The following FBXL7 variants were observed in gnomAD, a reference collection of about 807,000 sequenced individuals.
The protein encoded by FBXL7 is F-box/LRR-repeat protein 7.
A neutral mutation model predicts 38.3 loss-of-function variants in FBXL7; 12 were observed. The ratio of observed to expected loss-of-function variants is 0.31; its 90% CI spans 0.20 to 0.51. The LOEUF is 0.51. Ranked by LOEUF, FBXL7 falls within the 20% of genes least tolerant of loss-of-function variation. The pLI is 0.98. For synonymous variants in FBXL7, 297 were observed against 300.9 expected, an observed-to-expected ratio of 0.99 and a Z score of 0.13; for missense variants, 567 against 676.4, an observed-to-expected ratio of 0.84 and a Z score of 1.79.
intron 2 of FBXL7, among the ~76,000 whole-genome samples, chr5:15,746,573 T>G (rs554608475): frequency 2.4e-4 from 36 of 149,410 alleles, no homozygotes; most frequent in African/African-American, 7.9e-4. Context: ...GTCGCTAATC[T>G]CATTCATGAA....
intron 2 of FBXL7, among the ~76,000 whole-genome samples, chr5:15,671,379 T>C (rs1742467439): frequency 6.6e-6 from 1 of 152,154 alleles, no homozygotes. Flanking sequence ...ACATTTTTGC[T>C]CATTCAATAA....
At chr5:15,917,721 G>A (rs965864503) in intron 2 of FBXL7, among the ~76,000 whole-genome samples, 12 of 150,448 alleles carry the variant, frequency 8.0e-5, no homozygotes, top group African/African-American at 1.5e-4. Context: ...AAGGAAGGAC[G>A]ATGCTAGCGA....
At chr5:15,882,231 C>T (rs1579564577) in intron 2 of FBXL7, among the ~76,000 whole-genome samples, 1 of 152,306 alleles carries the variant, frequency 6.6e-6, no homozygotes, top group African/African-American at 2.4e-5. Flanking sequence ...CAGATTTAAA[C>T]TCTTATCACT....
chr5:15,683,777 A>G (rs1481132455), intron 2 of FBXL7, among the ~76,000 whole-genome samples: 3 of 152,156 alleles, frequency 2.0e-5, no homozygotes, highest in African/African-American at 2.4e-5. Context: ...TCAGCACATA[A>G]TATTACTGAA....
chr5:15,783,057 T>C (rs899792245), intron 2 of FBXL7, among the ~76,000 whole-genome samples: 7 of 152,154 alleles, frequency 4.6e-5, no homozygotes, highest in Non-Finnish European at 8.8e-5. Context: ...GTTGGAGCTA[T>C]GAAATTTGGG....
At chr5:15,735,689 A>G (rs1401004517) in intron 2 of FBXL7, among the ~76,000 whole-genome samples, 3 of 152,248 alleles carry the variant, frequency 2.0e-5, no homozygotes, top group African/African-American at 7.2e-5. Context: ...AGACACATTC[A>G]AGGATAATGA....
At chr5:15,676,450 T>C (rs1463960745) in intron 2 of FBXL7, among the ~76,000 whole-genome samples, 1 of 152,228 alleles carries the variant, frequency 6.6e-6, no homozygotes, top group Admixed American at 6.5e-5. Flanking sequence ...AAAATATGGT[T>C]ATGCCTTTCA....
chr5:15,737,252 C>A (rs776225965), intron 2 of FBXL7, among the ~76,000 whole-genome samples: 1 of 152,118 alleles, frequency 6.6e-6, no homozygotes, highest in Non-Finnish European at 1.5e-5. Context: ...TAATGGTTTC[C>A]ATGTGTGCCT....
At chr5:15,689,338 T>C (rs996116021) in intron 2 of FBXL7, among the ~76,000 whole-genome samples, 2 of 151,876 alleles carry the variant, frequency 1.3e-5, no homozygotes, top group African/African-American at 4.8e-5. Flanking sequence ...AAATGATGTG[T>C]GATTTCTACC....
chr5:15,801,948 G>A (rs1737581403), intron 2 of FBXL7, among the ~76,000 whole-genome samples: 1 of 151,920 alleles, frequency 6.6e-6, no homozygotes, highest in Non-Finnish European at 1.5e-5. Context: ...GAGATGTTAG[G>A]GACTTCAAGT....
At chr5:15,917,720 C>T (rs970202970) in intron 2 of FBXL7, among the ~76,000 whole-genome samples, 2 of 144,972 alleles carry the variant, frequency 1.4e-5, no homozygotes, top group Non-Finnish European at 3.0e-5. Flanking sequence ...GAAGGAAGGA[C>T]GATGCTAGCG....
intron 1 of FBXL7, among the ~76,000 whole-genome samples, chr5:15,554,703 C>T (rs773778871): frequency 2.7e-4 from 41 of 152,144 alleles, no homozygotes; most frequent in Non-Finnish European, 5.0e-4. Context: ...CCAGCTGATC[C>T]ATCTGCATAT....
intron 2 of FBXL7, among the ~76,000 whole-genome samples, chr5:15,757,817 C>T (rs183649483): frequency 6.8e-4 from 104 of 152,276 alleles, no homozygotes; most frequent in African/African-American, 2.5e-3. Context: ...CTGAAGGATG[C>T]AGCTAAGTGG....
intron 1 of FBXL7, among the ~76,000 whole-genome samples, chr5:15,556,695 C>G (rs1738248891): frequency 6.6e-6 from 1 of 152,160 alleles, no homozygotes; most frequent in Admixed American, 6.6e-5. Flanking sequence ...TTTTTAGACT[C>G]CTCTTCATCT....
intron 1 of FBXL7, among the ~76,000 whole-genome samples, chr5:15,611,210 C>A (rs1019403912): frequency 6.6e-6 from 1 of 152,076 alleles, no homozygotes. Context: ...GGTTGCGCAA[C>A]ACACACCTTC....
At chr5:15,508,378 T>A (rs116700571) in intron 1 of FBXL7, among the ~76,000 whole-genome samples, 1,736 of 152,298 alleles carry the variant, frequency 0.011, 18 homozygotes, top group Middle Eastern at 0.051. Flanking sequence ...TGAAGAGCTG[T>A]CATGAAGAAA....
At chr5:15,545,765 T>C (rs750222639) in intron 1 of FBXL7, among the ~76,000 whole-genome samples, 1 of 152,246 alleles carries the variant, frequency 6.6e-6, no homozygotes, top group Non-Finnish European at 1.5e-5. Flanking sequence ...TAGCTAATTG[T>C]GCAACAGAGT....
chr5:15,649,688 C>G (rs1444918360), intron 2 of FBXL7, among the ~76,000 whole-genome samples: 1 of 145,256 alleles, frequency 6.9e-6, no homozygotes, highest in Non-Finnish European at 1.5e-5. Context: ...ATCTTTAAAT[C>G]TTTCTTTTCT....
chr5:15,894,001 G>C (rs1741015987), intron 2 of FBXL7, among the ~76,000 whole-genome samples: 1 of 152,196 alleles, frequency 6.6e-6, no homozygotes, highest in African/African-American at 2.4e-5. Flanking sequence ...TAGAATATTA[G>C]TCCCAGCCAG....
Sources: allele counts gnomAD v4.1 joint callset (sites outside exome capture counted in the v4.1 genomes callset), GRCh38; gene constraint gnomAD v4.1.1; transcripts MANE v1.5; gene names NCBI Gene and HGNC (gene_info 2026-07-23, HGNC 2026-07-21).